IQGAP1: variants seen among roughly 807,000 people sequenced by gnomAD.
The protein encoded by IQGAP1 is ras GTPase-activating-like protein IQGAP1.
In IQGAP1, 66 loss-of-function variants were observed where a neutral mutation model predicts 215.6. The observed-to-expected ratio is 0.31, with a 90% CI of 0.25 to 0.38. IQGAP1 has a LOEUF of 0.38. IQGAP1 is among the 10% of genes least tolerant of loss of function. The pLI is 1.00. For synonymous variants in IQGAP1, 772 were observed against 728.7 expected (o/e 1.06, Z -0.96); for missense variants, 1,712 against 1,997.1 (o/e 0.86, Z 2.72).
chr15:90,394,589 G>T (rs755698627), intron 2 of IQGAP1, among the ~76,000 whole-genome samples: 2 of 152,098 alleles, frequency 1.3e-5, no homozygotes, highest in Non-Finnish European at 2.9e-5. Context: ...CCTGTATCTT[G>T]TGTGTTCCGA....
intron 2 of IQGAP1, among the ~76,000 whole-genome samples, chr15:90,398,364 G>A (rs1255398668): frequency 2.6e-5 from 4 of 152,090 alleles, no homozygotes. Flanking sequence ...GAGTGGAATG[G>A]GGGTAGAGGG....
chr15:90,487,003 G>A lies in IQGAP1; in HGVS notation c.4074G>A (p.Lys1358=), dbSNP rs374433618. The change falls in exon 32 of 38, where the codon AAG becomes AAA. Residue 1358 remains lysine, a synonymous_variant. Transcript: ENST00000268182. Reference sequence around the variant, plus strand: ...ACCCAAATAAGGAGGCACTGGCTAAGACGGAAGTGTCTCTCACCCTGACCA... The same window carrying A: ...ACCCAAATAAGGAGGCACTGGCTAAAACGGAAGTGTCTCTCACCCTGACCA... ...LNDPNKEALA[K]TEVSLTLTNK... The A allele has an allele frequency of 5.0e-6, 8 of 1,614,102 alleles. No homozygotes were observed. The highest frequency in any genetic ancestry group is 6.8e-6 in the Non-Finnish European group (8 of 1,179,972).
At chr15:90,420,223 C>T (rs907473965) in intron 2 of IQGAP1, among the ~76,000 whole-genome samples, 3 of 152,140 alleles carry the variant, frequency 2.0e-5, no homozygotes, top group African/African-American at 7.2e-5. Flanking sequence ...ATTTAATCCT[C>T]AATGACAAAC....
intron 2 of IQGAP1, among the ~76,000 whole-genome samples, chr15:90,418,854 A>G (rs1447472399): frequency 1.3e-5 from 2 of 152,104 alleles, no homozygotes; most frequent in Admixed American, 6.6e-5. Flanking sequence ...AGCAATTAAG[A>G]GTATCAGCTT....
At chr15:90,468,530 CAT>C (rs1366011050) in intron 18 of IQGAP1, among the ~76,000 whole-genome samples, 7 of 152,082 alleles carry the variant, frequency 4.6e-5, no homozygotes, top group African/African-American at 1.7e-4. Flanking sequence ...TTGTTGGTAT[CAT>C]AAAAGAAAAA....
At chr15:90,451,612 G>A (rs932338712) in intron 11 of IQGAP1, among the ~76,000 whole-genome samples, 7 of 151,946 alleles carry the variant, frequency 4.6e-5, no homozygotes, top group African/African-American at 1.7e-4. Context: ...CCACACTGGG[G>A]ATCAAGTTTC....
At chr15:90,436,063 C>CTTTTTT (rs61513362) in intron 5 of IQGAP1, among the ~76,000 whole-genome samples, 1 of 137,226 alleles carries the variant, frequency 7.3e-6, no homozygotes, top group Non-Finnish European at 1.6e-5. Flanking sequence ...CCCTGCTTGC[C>CTTTTTT]TTTTTTTTTT....
At chr15:90,468,909 A>C (rs1161393924) in intron 18 of IQGAP1, among the ~76,000 whole-genome samples, 1 of 152,174 alleles carries the variant, frequency 6.6e-6, no homozygotes, top group Non-Finnish European at 1.5e-5. Context: ...GAATCTTTTT[A>C]AAATTTCCTT....
chr15:90,410,691 T>C (rs1235974784), intron 2 of IQGAP1, among the ~76,000 whole-genome samples: 1 of 123,900 alleles, frequency 8.1e-6, no homozygotes, highest in Admixed American at 8.7e-5. Flanking sequence ...TGTTGTGGGG[T>C]AGGGGGAGGG....
rs375134287 is a variant in IQGAP1 at position 90,443,441 on chromosome 15, G to A, written c.876G>A (p.Thr292=). The change falls in exon 9 of 38, where the codon ACG becomes ACA. Residue 292 remains threonine (T), a synonymous_variant. Transcript: ENST00000268182. ...RERDVYEELL[T]QAEIQGNINK... is the part of the protein sequence containing the mutation. ...GAGATGTTTATGAGGAGCTGCTCAC[G>A]CAAGCTGAAATTCAAGGCAATATAA... The A allele has an allele frequency of 2.4e-5, 38 of 1,612,838 alleles. No individual in the cohort carries two copies. Among genetic ancestry groups the A allele is most frequent in the Non-Finnish European group, 3.1e-5 (37 of 1,179,062 alleles).
At chr15:90,430,427 A>AT (rs1965286099) in intron 4 of IQGAP1, among the ~76,000 whole-genome samples, 1 of 152,184 alleles carries the variant, frequency 6.6e-6, no homozygotes, top group Non-Finnish European at 1.5e-5. Flanking sequence ...ATACAGAAGG[A>AT]TTTTTTAGCA....
intron 1 of IQGAP1, among the ~76,000 whole-genome samples, chr15:90,390,170 A>T (rs982064630): frequency 2.0e-5 from 3 of 152,184 alleles, no homozygotes; most frequent in African/African-American, 7.2e-5. Context: ...GGAGTTAGGA[A>T]TTTATTCCAC....
At chr15:90,478,758 A>G (rs545834488) in intron 26 of IQGAP1, among the ~76,000 whole-genome samples, 1 of 152,354 alleles carries the variant, frequency 6.6e-6, no homozygotes, top group South Asian at 2.1e-4. Context: ...CTAGGGATAC[A>G]GTTGAATGAG....
chr15:90,428,022 T>G (rs559735925), intron 3 of IQGAP1, among the ~76,000 whole-genome samples: 1 of 152,326 alleles, frequency 6.6e-6, no homozygotes, highest in South Asian at 2.1e-4. Context: ...GAAACTTTCC[T>G]TAAACAAAAA....
chr15:90,425,992 G>C (rs997839773), intron 2 of IQGAP1, 118 bp from the exon 3 acceptor site: 1 of 893,520 alleles, frequency 1.1e-6, no homozygotes, highest in South Asian at 2.0e-5. Flanking sequence ...GATTGTAAAA[G>C]AGTGCTATTA....
chr15:90,425,566 A>G (rs1044951178), intron 2 of IQGAP1, among the ~76,000 whole-genome samples: 1 of 152,034 alleles, frequency 6.6e-6, no homozygotes, highest in Non-Finnish European at 1.5e-5. Flanking sequence ...AAAATCTGAG[A>G]ATTCATTATT....
intron 5 of IQGAP1, among the ~76,000 whole-genome samples, chr15:90,435,403 G>A (rs1965357546): frequency 6.6e-6 from 1 of 152,172 alleles, no homozygotes. Context: ...TTAAGCCGAG[G>A]AGTTTGAGAC....
chr15:90,494,988 CAGAGTT>C (rs1216819294), intron 36 of IQGAP1, among the ~76,000 whole-genome samples, 153 bp downstream of exon 36: 2 of 152,100 alleles, frequency 1.3e-5, no homozygotes, highest in African/African-American at 4.8e-5. Flanking sequence ...GCCTCATACT[CAGAGTT>C]AATTTGTCAT....
At chr15:90,483,686 C>T (rs1278937832) in intron 29 of IQGAP1, 93 bp downstream of exon 29, 4 of 856,352 alleles carry the variant, frequency 4.7e-6, no homozygotes, top group African/African-American at 3.3e-5. Context: ...TCTCACTTTC[C>T]CCGGACTGCC....
Sources: allele counts gnomAD v4.1 joint callset (sites outside exome capture counted in the v4.1 genomes callset), GRCh38; gene constraint gnomAD v4.1.1; transcripts MANE v1.5; gene names NCBI Gene and HGNC (gene_info 2026-07-23, HGNC 2026-07-21).